The following DPYD variants were observed in gnomAD, a reference collection of about 807,000 sequenced individuals.
The protein encoded by DPYD is dihydropyrimidine dehydrogenase.
DPYD carries 109 observed loss-of-function variants against 116.2 expected under a neutral mutation model. The ratio of observed to expected loss-of-function variants is 0.94; its 90% CI spans 0.80 to 1.10. The LOEUF (loss-of-function observed/expected upper bound fraction) is 1.10. Among genes scored for constraint, DPYD ranks in the 50% least tolerant of loss-of-function variants. The pLI is 0.00. For missense variants in DPYD, 1,302 were observed against 1,254.5 expected (o/e 1.04, Z -0.57); for synonymous variants, 440 against 432.0 (o/e 1.02, Z -0.23).
intron 13 of DPYD, among the ~76,000 whole-genome samples, chr1:97,475,678 A>C (rs1027900379): frequency 1.3e-5 from 2 of 152,202 alleles, no homozygotes; most frequent in African/African-American, 4.8e-5. Flanking sequence ...TGCCATAGAC[A>C]ATATAAACCA....
chr1:97,600,074 T>A (rs1655156075), intron 8 of DPYD, among the ~76,000 whole-genome samples: 1 of 151,222 alleles, frequency 6.6e-6, no homozygotes, highest in South Asian at 2.1e-4. Flanking sequence ...CAAAAACAAA[T>A]GGACAATGCT....
intron 3 of DPYD, among the ~76,000 whole-genome samples, chr1:97,742,147 C>G (rs975324785): frequency 6.6e-6 from 1 of 152,040 alleles, no homozygotes; most frequent in Non-Finnish European, 1.5e-5. Flanking sequence ...AAACAGCATT[C>G]TCCAAGAATT....
At chr1:97,473,314 C>A (rs1433166184) in intron 13 of DPYD, among the ~76,000 whole-genome samples, 1 of 152,200 alleles carries the variant, frequency 6.6e-6, no homozygotes, top group Non-Finnish European at 1.5e-5. Flanking sequence ...GGATTTCCTT[C>A]TTTTATGGCA....
At position 97,740,413 on chromosome 1, in the gene DPYD, G is replaced by A. The variant is rs774047246; in HGVS notation, c.300C>T (p.Phe100=). 5.0e-6 allele frequency: 8 copies of A among 1,612,222 alleles called. No homozygotes were observed. The Admixed American group carries it at 1.2e-4, about 24-fold the overall frequency. Residue 100 remains phenylalanine, a synonymous_variant, in exon 4 of 23, where the codon TTC becomes TTT. Transcript: ENST00000370192. ...SCPTNLDIKS[F]ITSIANKNYY... is the part of the protein sequence containing the mutation. ...TTACCTTGTTTGCAATACTTGTGAT[G>A]AATGATTTAATATCAAGATTAGTTG...
chr1:97,574,066 T>C (rs960643238), intron 10 of DPYD, 96 bp from the exon 11 acceptor site: 22 of 1,541,982 alleles, frequency 1.4e-5, no homozygotes, highest in Middle Eastern at 3.9e-4. Context: ...AAGCTTATGA[T>C]ATTAAGTCAA....
intron 14 of DPYD, among the ~76,000 whole-genome samples, chr1:97,437,182 T>G (rs1364209283): frequency 6.6e-6 from 1 of 151,776 alleles, no homozygotes; most frequent in African/African-American, 2.4e-5. Context: ...AACTCCTCTC[T>G]CCCACTCATA....
At chr1:97,871,251 G>A (rs1056155744) in intron 2 of DPYD, among the ~76,000 whole-genome samples, 1 of 151,800 alleles carries the variant, frequency 6.6e-6, no homozygotes, top group Non-Finnish European at 1.5e-5. Context: ...TTATGATTAT[G>A]CAAAGATTTT....
intron 14 of DPYD, among the ~76,000 whole-genome samples, chr1:97,405,036 G>T (rs1415789363): frequency 6.7e-6 from 1 of 148,736 alleles, no homozygotes. Context: ...AGATAACCCC[G>T]TACCACTTCA....
chr1:97,295,193 C>G (rs1558007662), intron 18 of DPYD, among the ~76,000 whole-genome samples: 1 of 152,034 alleles, frequency 6.6e-6, no homozygotes, highest in African/African-American at 2.4e-5. Context: ...TATCCACCTC[C>G]CAGGGTTATT....
intron 20 of DPYD, among the ~76,000 whole-genome samples, chr1:97,160,449 T>A (rs1655805835): frequency 6.6e-6 from 1 of 152,074 alleles, no homozygotes. Flanking sequence ...AACAACTCGT[T>A]AATATACTAC....
chr1:97,247,904 T>C (rs1054202484), intron 18 of DPYD, among the ~76,000 whole-genome samples: 11 of 152,192 alleles, frequency 7.2e-5, no homozygotes, highest in Admixed American at 6.5e-4. Flanking sequence ...CAAGCCCAGA[T>C]GGCTTCGCTG....
intron 18 of DPYD, among the ~76,000 whole-genome samples, chr1:97,261,310 A>G (rs1275949258): frequency 6.6e-6 from 1 of 152,018 alleles, no homozygotes; most frequent in Non-Finnish European, 1.5e-5. Flanking sequence ...CTTTAACTTT[A>G]GAATACATTA....
At chr1:97,668,277 A>G (rs966824446) in intron 8 of DPYD, among the ~76,000 whole-genome samples, 1 of 152,166 alleles carries the variant, frequency 6.6e-6, no homozygotes, top group Non-Finnish European at 1.5e-5. Context: ...AGCCAAGAGT[A>G]GGGCTTTGGT....
chr1:97,694,831 A>T (rs1268805443), intron 6 of DPYD, among the ~76,000 whole-genome samples: 5 of 152,230 alleles, frequency 3.3e-5, no homozygotes, highest in African/African-American at 1.2e-4. Flanking sequence ...TATCCTAAAC[A>T]ATGTCCTCTG....
chr1:97,382,855 A>G (rs150937234), intron 14 of DPYD, among the ~76,000 whole-genome samples: 1 of 151,952 alleles, frequency 6.6e-6, no homozygotes, highest in Non-Finnish European at 1.5e-5. Context: ...GTTTGTAATT[A>G]CTGGTACAGT....
intron 13 of DPYD, among the ~76,000 whole-genome samples, chr1:97,499,150 T>C (rs976707049): frequency 3.3e-5 from 5 of 151,740 alleles, no homozygotes; most frequent in African/African-American, 1.2e-4. Context: ...TATCTTTAAA[T>C]AAACAATTTC....
At chr1:97,909,513 C>T (rs1388780646) in intron 1 of DPYD, among the ~76,000 whole-genome samples, 1 of 152,058 alleles carries the variant, frequency 6.6e-6, no homozygotes, top group Non-Finnish European at 1.5e-5. Flanking sequence ...TCCTCACATT[C>T]TATTTTCTTC....
Position 97,721,545 on chromosome 1 carries a change from T to G in DPYD, c.448A>C (p.Ile150Leu). Residue 150 changes from isoleucine to leucine, a missense_variant, in exon 5 of 23, where the codon ATT becomes CTT. Ile to Leu is a conservative substitution (Grantham distance 5). Coordinates refer to ENST00000370192, the MANE Select transcript of DPYD (RefSeq NM_000110.4). Reference protein sequence around the residue: ...CNLYATEEGPINIGGLQQFAT... With the variant: ...CNLYATEEGPLNIGGLQQFAT... ...AATTGCTGCAATCCACCAATATTAA[T>G]GGGTCCCTCTTCAGTGGCATATAAA... 1.2e-6 allele frequency: 2 copies of G among 1,611,700 alleles called. No individual in the cohort carries two copies. The highest frequency in any genetic ancestry group is 1.7e-4 in the Middle Eastern group (1 of 6,040).
At chr1:97,799,537 A>G (rs924662111) in intron 3 of DPYD, among the ~76,000 whole-genome samples, 6 of 151,958 alleles carry the variant, frequency 3.9e-5, no homozygotes, top group African/African-American at 1.4e-4. Context: ...TATGTGATCT[A>G]TCATAACCTG....
Sources: gnomAD v4.1 joint callset for allele counts (sites outside exome capture counted in the v4.1 genomes callset) on GRCh38, gnomAD v4.1.1 for gene constraint, MANE v1.5 for transcripts, NCBI Gene and HGNC (gene_info 2026-07-23, HGNC 2026-07-21) for gene names.